CDH13: variants seen among roughly 807,000 people sequenced by gnomAD.
CDH13 encodes the protein cadherin 13.
A neutral mutation model predicts 63.8 loss-of-function variants in CDH13; 24 were observed. The observed-to-expected ratio is 0.38, with a 90% CI of 0.27 to 0.53. The LOEUF (loss-of-function observed/expected upper bound fraction) is 0.53. Among genes scored for constraint, CDH13 ranks in the 20% least tolerant of loss-of-function variants. The pLI is 0.85. For synonymous variants in CDH13, 503 were observed against 355.3 expected, an observed-to-expected ratio of 1.42 and a Z score of -4.67; for missense variants, 1,049 against 903.1, an observed-to-expected ratio of 1.16 and a Z score of -2.07.
intron 6 of CDH13, among the ~76,000 whole-genome samples, chr16:83,396,926 C>G (rs567851676): frequency 3.3e-5 from 5 of 152,262 alleles, no homozygotes; most frequent in South Asian, 2.1e-4. Context: ...GTCCCAGGTT[C>G]CAGTTGAGGA....
Position 83,471,275 on chromosome 16 carries a change from CT to C in CDH13, c.782-15185del, listed in dbSNP as rs34765413. 9.8e-4 allele frequency among the ~76,000 whole-genome samples: 120 copies of C among 121,966 alleles called. 1 individual carries two copies. Among genetic ancestry groups the C allele is most frequent in the African/African-American group, 3.4e-3 (109 of 31,682 alleles). The allele number at this position is 121,966 out of a possible 152,430, so 80.0% of individuals were successfully genotyped here. On this transcript the variant is annotated intron_variant, in intron 6 of 13. Transcript: ENST00000567109. ...TGGGACCATTATTTTTCTAACCACC[CT>C]TTTTTTTTTTTTTTTTGAGACGTAG...
intron 2 of CDH13, among the ~76,000 whole-genome samples, chr16:82,988,555 A>T (rs1250680308): frequency 1.3e-5 from 2 of 152,086 alleles, no homozygotes; most frequent in Non-Finnish European, 2.9e-5. Flanking sequence ...TGAGGTCAGG[A>T]GTTCGAGACC....
intron 1 of CDH13, among the ~76,000 whole-genome samples, chr16:82,737,684 C>G (rs1288915348): frequency 6.6e-6 from 1 of 152,220 alleles, no homozygotes; most frequent in Admixed American, 6.5e-5. Flanking sequence ...TTTGGCCTGG[C>G]AGAACCTGCC....
At chr16:83,120,293 C>G (rs1210255354) in intron 3 of CDH13, among the ~76,000 whole-genome samples, 1 of 152,198 alleles carries the variant, frequency 6.6e-6, no homozygotes, top group Non-Finnish European at 1.5e-5. Flanking sequence ...AGTTGATGAG[C>G]TGGTGAGCTG....
At chr16:82,753,915 C>G (rs1409830875) in intron 1 of CDH13, among the ~76,000 whole-genome samples, 1 of 152,204 alleles carries the variant, frequency 6.6e-6, no homozygotes, top group East Asian at 1.9e-4. Context: ...GTTCCATGAA[C>G]TATTTCTTCT....
intron 3 of CDH13, among the ~76,000 whole-genome samples, chr16:83,089,115 T>C (rs1177388987): frequency 2.0e-5 from 3 of 152,210 alleles, no homozygotes; most frequent in Non-Finnish European, 2.9e-5. Context: ...TGGATTTAGA[T>C]ATAAGCGTAT....
intron 11 of CDH13, among the ~76,000 whole-genome samples, chr16:83,772,046 C>G (rs920187520): frequency 6.6e-6 from 1 of 152,168 alleles, no homozygotes; most frequent in African/African-American, 2.4e-5. Flanking sequence ...AATGTACACT[C>G]TGTGGGTGGA....
At chr16:83,705,729 A>G (rs964962538) in intron 10 of CDH13, among the ~76,000 whole-genome samples, 14 of 152,182 alleles carry the variant, frequency 9.2e-5, no homozygotes, top group Non-Finnish European at 7.3e-5. Flanking sequence ...TCATCCTTCA[A>G]ACAACCCTAA....
At chr16:83,721,555 C>T (rs1335050492) in intron 10 of CDH13, 1 of 152,244 alleles carries the variant, frequency 6.6e-6, no homozygotes, top group African/African-American at 2.4e-5. Context: ...GGAAGAGTTG[C>T]TGAACACCTG....
At chr16:83,501,882 G>C (rs1375042052) in intron 7 of CDH13, among the ~76,000 whole-genome samples, 5 of 152,180 alleles carry the variant, frequency 3.3e-5, no homozygotes, top group Non-Finnish European at 5.9e-5. Context: ...ACATATTTGG[G>C]GAGCTTGATT....
chr16:83,251,777 G>C (rs1353244348), intron 5 of CDH13, among the ~76,000 whole-genome samples: 2 of 152,146 alleles, frequency 1.3e-5, no homozygotes, highest in Non-Finnish European at 2.9e-5. Flanking sequence ...CAGGGGCTTT[G>C]TGCCATCAGG....
At position 83,336,424 on chromosome 16, in the gene CDH13, A is replaced by G. The variant is rs372876254; in HGVS notation, c.637-8438A>G. Reference sequence around the variant, plus strand: ...TTCCAGAGATAACGGCAGTGGCAGCATCTACGCTAAAAAACATTTTAGTGC... The same window carrying G: ...TTCCAGAGATAACGGCAGTGGCAGCGTCTACGCTAAAAAACATTTTAGTGC... On this transcript the variant is annotated intron_variant, in intron 5 of 13. Coordinates refer to ENST00000567109, the MANE Select transcript of CDH13 (RefSeq NM_001257.5). Among the ~76,000 whole-genome samples the G allele has an allele frequency of 7.2e-5, 11 of 152,314 alleles. No individual in the cohort carries two copies. In the East Asian group the frequency reaches 1.7e-3, roughly 24 times the overall value.
rs546441431 is a variant in CDH13, at chr16:83,693,811, G to T, written c.1538+15350G>T. On this transcript the variant is annotated intron_variant, in intron 10 of 13. Transcript: ENST00000567109. ...AAAACTGTTCCTAGTTTGGGCATTG[G>T]GATTAAATTTATCAGTATTTTAAGA... Among the ~76,000 whole-genome samples the T allele has an allele frequency of 4.8e-4, 73 of 152,192 alleles. 1 individual carries two copies. In the Middle Eastern group the frequency reaches 0.02, roughly 43 times the overall value.
At chr16:83,087,697 A>AAAAAAAAAAAAAAAAAC (rs1567817140) in intron 3 of CDH13, among the ~76,000 whole-genome samples, 35 of 144,390 alleles carry the variant, frequency 2.4e-4, no homozygotes, top group African/African-American at 7.8e-4. Context: ...AAAAAAAAAA[A>AAAAAAAAAAAAAAAAAC]GCCTAGCACC....
At chr16:82,848,676 C>G (rs1181837443) in intron 1 of CDH13, among the ~76,000 whole-genome samples, 4 of 151,928 alleles carry the variant, frequency 2.6e-5, no homozygotes, top group Non-Finnish European at 5.9e-5. Flanking sequence ...TGGCCCTTTA[C>G]TCATCTGTCT....
At chr16:82,639,376 T>A (rs983763477) in intron 1 of CDH13, 2 of 1,535,404 alleles carry the variant, frequency 1.3e-6, no homozygotes, top group African/African-American at 2.7e-5. Context: ...ACAACCCACC[T>A]GCACTGCATG....
At chr16:83,044,877 A>G (rs1917637183) in intron 3 of CDH13, among the ~76,000 whole-genome samples, 1 of 152,218 alleles carries the variant, frequency 6.6e-6, no homozygotes, top group Admixed American at 6.5e-5. Flanking sequence ...TAGTGTTGTC[A>G]GAGGTAAATT....
chr16:83,358,390 G>C (rs1253964391), intron 6 of CDH13, among the ~76,000 whole-genome samples: 1 of 152,176 alleles, frequency 6.6e-6, no homozygotes, highest in Non-Finnish European at 1.5e-5. Context: ...CTCAAGGGTA[G>C]AAAATATGTG....
chr16:83,416,069 A>G (rs976180995), intron 6 of CDH13, among the ~76,000 whole-genome samples: 1 of 152,234 alleles, frequency 6.6e-6, no homozygotes. Context: ...TACAAAATCA[A>G]CAAACAAAAA....
Sources: gnomAD v4.1 joint callset for allele counts (sites outside exome capture counted in the v4.1 genomes callset) on GRCh38, gnomAD v4.1.1 for gene constraint, MANE v1.5 for transcripts, NCBI Gene and HGNC (gene_info 2026-07-23, HGNC 2026-07-21) for gene names.